VAV2: variants seen among roughly 807,000 people sequenced by gnomAD.
VAV2 encodes vav guanine nucleotide exchange factor 2.
VAV2 carries 67 observed loss-of-function variants against 132.5 expected under a neutral mutation model. The observed-to-expected ratio is 0.51, with a 90% CI of 0.42 to 0.62. VAV2 has a LOEUF of 0.62. Among genes scored for constraint, VAV2 ranks in the 20% least tolerant of loss-of-function variants. The pLI, the probability that VAV2 is intolerant of heterozygous loss-of-function variation, is 0.00. For missense variants in VAV2, 938 were observed against 1,153.6 expected, an observed-to-expected ratio of 0.81 and a Z score of 2.71; for synonymous variants, 492 against 443.5, an observed-to-expected ratio of 1.11 and a Z score of -1.37.
chr9:133,841,720 T>C (rs981685024), intron 3 of VAV2, among the ~76,000 whole-genome samples: 5 of 152,106 alleles, frequency 3.3e-5, no homozygotes, highest in African/African-American at 4.8e-5. Context: ...AGGTAATGGG[T>C]CTGGGTTCAA....
At chr9:133,895,601 T>C (rs550203183) in intron 2 of VAV2, among the ~76,000 whole-genome samples, 30 of 151,930 alleles carry the variant, frequency 2.0e-4, no homozygotes, top group African/African-American at 7.0e-4. Flanking sequence ...ACCAGGCAAA[T>C]CCACAGCAAT....
intron 3 of VAV2, among the ~76,000 whole-genome samples, chr9:133,844,339 C>G (rs531076145): frequency 1.3e-5 from 2 of 152,216 alleles, no homozygotes; most frequent in East Asian, 1.9e-4. Flanking sequence ...GCAGAGCCCC[C>G]GAAGCTACTC....
At chr9:133,954,692 C>A (rs76996122) in intron 1 of VAV2, among the ~76,000 whole-genome samples, 1 of 152,164 alleles carries the variant, frequency 6.6e-6, no homozygotes, top group Non-Finnish European at 1.5e-5. Context: ...CATGTGTATG[C>A]GTGTGGGGTG....
chr9:133,809,180 GGCCACCT>G (rs766605497), intron 6 of VAV2, 42 bp from the exon 7 acceptor site: 4 of 1,564,006 alleles, frequency 2.6e-6, no homozygotes, highest in Non-Finnish European at 3.5e-6. Context: ...CCATGGGCCC[GGCCACCT>G]GCCACCTGCA....
intron 20 of VAV2, among the ~76,000 whole-genome samples, 169 bp downstream of exon 20, chr9:133,780,525 A>T (rs1373037081): frequency 6.6e-6 from 1 of 152,132 alleles, no homozygotes; most frequent in East Asian, 1.9e-4. Context: ...GAGGACTCTA[A>T]TGACACCCAC....
rs558824853 is a variant in VAV2, at chr9:133,783,723, G to A, written c.1635-132C>T. On this transcript the variant is annotated intron_variant, in intron 18 of 29. Transcript: ENST00000371850. ...TCTCCCAGCACACACATCCCTCATAGCCCTGAGTATCCAGGACCCTCCCTT... is the reference window on the plus strand; with the variant it reads ...TCTCCCAGCACACACATCCCTCATAACCCTGAGTATCCAGGACCCTCCCTT... 29 of 760,326 alleles carry A rather than the reference G, an allele frequency of 3.8e-5. No homozygotes were observed. In the African/African-American group the frequency reaches 4.6e-4, roughly 12 times the overall value. The allele number at this position is 760,326 out of a possible 1,614,324, so 47.1% of individuals were successfully genotyped here. A position where few individuals can be genotyped will look rare whatever the true frequency, so the allele number is the denominator to read the frequency against.
At chr9:133,839,115 G>A (rs949122426) in intron 3 of VAV2, among the ~76,000 whole-genome samples, 1 of 151,936 alleles carries the variant, frequency 6.6e-6, no homozygotes, top group Non-Finnish European at 1.5e-5. Flanking sequence ...TGGATGGATG[G>A]GTAGCTAGAT....
At chr9:133,782,510 G>T (rs1030592441) in intron 19 of VAV2, among the ~76,000 whole-genome samples, 1 of 152,224 alleles carries the variant, frequency 6.6e-6, no homozygotes, top group Admixed American at 6.5e-5. Context: ...CCTCTCCCCA[G>T]GTTAGGGTAC....
At chr9:133,894,748 A>T (rs1233340103) in intron 2 of VAV2, among the ~76,000 whole-genome samples, 1 of 152,124 alleles carries the variant, frequency 6.6e-6, no homozygotes, top group African/African-American at 2.4e-5. Context: ...GAGGCTCCAG[A>T]TCCTGGCGCC....
intron 3 of VAV2, among the ~76,000 whole-genome samples, chr9:133,835,923 C>A (rs1423295216): frequency 1.3e-5 from 2 of 152,164 alleles, no homozygotes; most frequent in African/African-American, 4.8e-5. Context: ...CAGGCCTGAC[C>A]TCTGCATGGG....
rs765524394 is a variant in VAV2, at chr9:133,918,273, ACT to A, written c.321+20828_321+20829del. ...AAACTATTTTTAAACAAAGGAGCGC[ACT>A]CTCTGCGGCGGCAGAAAAGCGAACC... is the stretch of plus-strand genomic sequence containing the variant. On this transcript the variant is annotated intron_variant, in intron 2 of 29. Transcript: ENST00000371850. This position sits in a 1 kb window ranked among gnomAD's most constrained non-coding sequence, Gnocchi z 4.7. 5.9e-5 allele frequency among the ~76,000 whole-genome samples: 9 copies of A among 152,102 alleles called. No individual in the cohort carries two copies. The highest frequency in any genetic ancestry group is 1.0e-4 in the Non-Finnish European group (7 of 68,028).
Position 133,929,895 on chromosome 9 carries a change from CTA to C in VAV2, c.321+9206_321+9207del, listed in dbSNP as rs369593302. ...GCTGTGACGGATCAATGGTTTCCAACTATGTTTTTACCCTCTTCAGAACCCTT... is the reference window on the plus strand; with the variant it reads ...GCTGTGACGGATCAATGGTTTCCAACTGTTTTTACCCTCTTCAGAACCCTT... On this transcript the variant is annotated intron_variant, in intron 2 of 29. Transcript: ENST00000371850. Among the ~76,000 whole-genome samples, 7 of 152,346 alleles carry C rather than the reference CTA, an allele frequency of 4.6e-5. No individual in the cohort carries two copies. In the South Asian group the frequency reaches 1.5e-3, roughly 32 times the overall value.
intron 4 of VAV2, among the ~76,000 whole-genome samples, chr9:133,820,726 G>A (rs1835754436): frequency 6.6e-6 from 1 of 152,210 alleles, no homozygotes; most frequent in Non-Finnish European, 1.5e-5. Flanking sequence ...CAGTGTACCT[G>A]AGGGCCACAG....
rs368095035 is a variant in VAV2, at chr9:133,935,512, C to T, written c.321+3591G>A. Among the ~76,000 whole-genome samples, 31 of 152,332 alleles carry T rather than the reference C, an allele frequency of 2.0e-4. No homozygotes were observed. The highest frequency in any genetic ancestry group is 7.0e-4 in the African/African-American group (29 of 41,574). On this transcript the variant is annotated intron_variant, in intron 2 of 29. Coordinates refer to ENST00000371850, the MANE Select transcript of VAV2 (RefSeq NM_001134398.2). This position sits in a 1 kb window ranked among gnomAD's most constrained non-coding sequence, Gnocchi z 5.2. Reference sequence around the variant, plus strand: ...GGCAGGGACTGCAACAAATACGCCCCGGCCCAGCAAGAGGTCCCCAGGAGT... The same window carrying T: ...GGCAGGGACTGCAACAAATACGCCCTGGCCCAGCAAGAGGTCCCCAGGAGT...
intron 8 of VAV2, among the ~76,000 whole-genome samples, chr9:133,806,605 T>A (rs1835157046): frequency 6.6e-6 from 1 of 151,758 alleles, no homozygotes; most frequent in Non-Finnish European, 1.5e-5. Context: ...CAAGGACAGA[T>A]GAACTCTAGG....
chr9:133,809,009 C>T (rs1405704684), intron 7 of VAV2, 31 bp downstream of exon 7: 1 of 1,601,692 alleles, frequency 6.2e-7, no homozygotes, highest in Admixed American at 1.7e-5. Flanking sequence ...GTGGCCGCTG[C>T]CATTTTCCAG....
At chr9:133,779,706 G>A (rs978240238) in intron 21 of VAV2, among the ~76,000 whole-genome samples, 1 of 152,152 alleles carries the variant, frequency 6.6e-6, no homozygotes. Context: ...CCTACAGCCT[G>A]GTGCTGCCTT....
At chr9:133,985,384 C>G (rs1021822850) in intron 1 of VAV2, among the ~76,000 whole-genome samples, 2 of 152,124 alleles carry the variant, frequency 1.3e-5, no homozygotes, top group African/African-American at 4.8e-5. Flanking sequence ...CGGGTTCAAG[C>G]GATTCTCCTA....
chr9:133,897,040 G>T (rs1055449684), intron 2 of VAV2, among the ~76,000 whole-genome samples: 1 of 152,146 alleles, frequency 6.6e-6, no homozygotes, highest in Admixed American at 6.5e-5. Flanking sequence ...CTTGCAGTGA[G>T]CCGACATCGT....
Sources: gnomAD v4.1 joint callset for allele counts (sites outside exome capture counted in the v4.1 genomes callset) on GRCh38, gnomAD v4.1.1 for gene constraint, Gnocchi (gnomAD v3.1) non-coding constraint, MANE v1.5 for transcripts, NCBI Gene and HGNC (gene_info 2026-07-23, HGNC 2026-07-21) for gene names.